The following FYB2 variants were observed in gnomAD, a reference collection of about 807,000 sequenced individuals.
The protein encoded by FYB2 is FYN-binding protein 2.
FYB2 carries 103 observed loss-of-function variants against 94.1 expected under a neutral mutation model. The ratio of observed to expected loss-of-function variants is 1.09; its 90% CI spans 0.93 to 1.29. FYB2 has a LOEUF of 1.29. FYB2 is among the 50% of genes most tolerant of loss of function. FYB2 has a pLI of 0.00. For synonymous variants in FYB2, 293 were observed against 287.9 expected, an observed-to-expected ratio of 1.02 and a Z score of -0.18; for missense variants, 896 against 841.5, an observed-to-expected ratio of 1.06 and a Z score of -0.80.
rs189096379 is a variant in FYB2, at chr1:56,804,823, A to T, written c.10-12020T>A. 2.0e-5 allele frequency among the ~76,000 whole-genome samples: 3 copies of T among 152,246 alleles called. No homozygotes were observed. The East Asian group carries it at 5.8e-4, about 29-fold the overall frequency. ...TAAAATCTTTCAATGGCTCCTTGTT[A>T]CCTTATTGGTAAATCATACATTCCT... is the stretch of plus-strand genomic sequence containing the variant. On this transcript the variant is annotated intron_variant, in intron 1 of 19. Coordinates refer to ENST00000343433, the MANE Select transcript of FYB2 (RefSeq NM_001004303.5).
intron 16 of FYB2, 42 bp downstream of exon 16, chr1:56,726,455 T>G: frequency 6.5e-7 from 1 of 1,549,290 alleles, no homozygotes; most frequent in South Asian, 1.2e-5. Flanking sequence ...AGGTATAAAT[T>G]GCAGCAGATA....
At chr1:56,812,493 T>C (rs2101088187) in intron 1 of FYB2, among the ~76,000 whole-genome samples, 1 of 152,340 alleles carries the variant, frequency 6.6e-6, no homozygotes, top group Middle Eastern at 3.4e-3. Context: ...CACCACTTTT[T>C]CCAGTATTAT....
intron 15 of FYB2, among the ~76,000 whole-genome samples, chr1:56,730,834 A>G (rs1251537302): frequency 5.3e-5 from 8 of 152,124 alleles, no homozygotes; most frequent in African/African-American, 1.9e-4. Context: ...GATACGAAAA[A>G]GAAAATTACA....
intron 15 of FYB2, among the ~76,000 whole-genome samples, chr1:56,734,279 A>T (rs1441827579): frequency 6.6e-6 from 1 of 151,802 alleles, no homozygotes; most frequent in Non-Finnish European, 1.5e-5. Flanking sequence ...ATCTTCCTCC[A>T]TCCCTTTATT....
chr1:56,820,501 C>T (rs879677881), upstream of FYB2, among the ~76,000 whole-genome samples: 1 of 152,176 alleles, frequency 6.6e-6, no homozygotes, highest in East Asian at 1.9e-4. Context: ...TATGTGTAAC[C>T]GGTGTGACTT....
chr1:56,800,570 A>G (rs753081904), intron 1 of FYB2, among the ~76,000 whole-genome samples: 1 of 152,200 alleles, frequency 6.6e-6, no homozygotes, highest in Non-Finnish European at 1.5e-5. Flanking sequence ...GTTGGGTATG[A>G]GCAAGAATAC....
At chr1:56,807,215 A>G (rs962881503) in intron 1 of FYB2, among the ~76,000 whole-genome samples, 3 of 152,200 alleles carry the variant, frequency 2.0e-5, no homozygotes, top group Non-Finnish European at 4.4e-5. Context: ...TTAAAGTGCA[A>G]TTTAATGAAA....
At position 56,719,156 on chromosome 1, in the gene FYB2, A is replaced by ACAT. The variant is rs1330750465; in HGVS notation, c.*512_*514dup. 2.0e-5 allele frequency: 3 copies of ACAT among 152,386 alleles called. No homozygotes were observed. Among genetic ancestry groups the ACAT allele is most frequent in the African/African-American group, 7.2e-5 (3 of 41,462 alleles). The allele number at this position is 152,386 out of a possible 1,614,324, so 9.4% of individuals were successfully genotyped here. A position where few individuals can be genotyped will look rare whatever the true frequency, so the allele number is the denominator to read the frequency against. ...TTTATTTTTGTGATAAAGTAAAAGG[A>ACAT]CATTTATACTTTTTTAAAGACTGAG... On this transcript the variant is annotated 3_prime_UTR_variant, in exon 20 of 20. Transcript: ENST00000343433.
chr1:56,732,303 A>G (rs996859036), intron 15 of FYB2, among the ~76,000 whole-genome samples: 7 of 152,198 alleles, frequency 4.6e-5, no homozygotes, highest in Non-Finnish European at 1.0e-4. Context: ...AAAGAAAATG[A>G]CACAACACTG....
chr1:56,796,233 G>A (rs76347391), intron 1 of FYB2, among the ~76,000 whole-genome samples: 9,806 of 152,242 alleles, frequency 0.064, 444 homozygotes, highest in East Asian at 0.2. Flanking sequence ...CAATTGATGG[G>A]AAATAGATGT....
intron 19 of FYB2, 145 bp from the exon 20 acceptor site, chr1:56,719,837 A>G: frequency 9.8e-7 from 1 of 1,020,752 alleles, no homozygotes; most frequent in Non-Finnish European, 1.4e-6. Context: ...GAAGTTTGAT[A>G]GCATACTCAG....
chr1:56,825,645 T>C, the FYB2 span, among the ~76,000 whole-genome samples: 1 of 151,810 alleles, frequency 6.6e-6, no homozygotes, highest in South Asian at 2.1e-4. Flanking sequence ...ATGAAAAAAA[T>C]AGGGAATACA....
In FYB2 at chr1:56,785,873, C is replaced by CT. The variant is rs1646123006; in HGVS notation, c.953+1301dup. Among the ~76,000 whole-genome samples the CT allele has an allele frequency of 2.0e-5, 3 of 152,176 alleles. No individual in the cohort carries two copies. The South Asian group carries it at 6.2e-4, about 32-fold the overall frequency. On this transcript the variant is annotated intron_variant, in intron 4 of 19. Transcript: ENST00000343433. ...TTCTTCACTCCTTCCTGCATCCCTG[C>CT]TTTTTGCCATGAAACTTTCAGCACC...
In FYB2 at chr1:56,758,871, G is replaced by A. The variant is rs980984618; in HGVS notation, c.1064-121C>T. On this transcript the variant is annotated intron_variant, in intron 5 of 19. Transcript: ENST00000343433. ...AGTTTTCTCACCTTTAAGAACATCA[G>A]ACTATGTAAAGCTCTATCTAGAAAG... is the stretch of plus-strand genomic sequence containing the variant. 6.0e-6 allele frequency: 4 copies of A among 663,722 alleles called. No homozygotes were observed. In the African/African-American group the frequency reaches 7.4e-5, roughly 12 times the overall value. 41.1% of individuals were successfully genotyped at this position (663,722 alleles called of 1,614,324 possible).
chr1:56,761,033 T>C (rs1645480473), intron 5 of FYB2, among the ~76,000 whole-genome samples: 1 of 152,142 alleles, frequency 6.6e-6, no homozygotes, highest in Non-Finnish European at 1.5e-5. Context: ...TGATTAGTTT[T>C]ATTGTGCAGG....
chr1:56,785,793 G>A (rs1028067370), intron 4 of FYB2, among the ~76,000 whole-genome samples: 8 of 152,150 alleles, frequency 5.3e-5, no homozygotes, highest in African/African-American at 9.7e-5. Context: ...TGCATCTTCA[G>A]TACTCATTTC....
intron 4 of FYB2, among the ~76,000 whole-genome samples, chr1:56,771,343 CG>C (rs1645749829): frequency 6.6e-6 from 1 of 151,658 alleles, no homozygotes; most frequent in South Asian, 2.1e-4. Context: ...AACACAGCTT[CG>C]TAAAAAAAAG....
intron 1 of FYB2, among the ~76,000 whole-genome samples, chr1:56,796,369 A>T (rs1047214142): frequency 6.6e-6 from 1 of 151,956 alleles, no homozygotes; most frequent in African/African-American, 2.4e-5. Flanking sequence ...ACCATGCCCC[A>T]TTTTTCAGCT....
chr1:56,785,661 A>G (rs1055191716), intron 4 of FYB2, among the ~76,000 whole-genome samples: 5 of 152,158 alleles, frequency 3.3e-5, no homozygotes, highest in Non-Finnish European at 7.4e-5. Flanking sequence ...TCCCGTTTCT[A>G]TACCATTTCT....
Sources: allele counts gnomAD v4.1 joint callset (sites outside exome capture counted in the v4.1 genomes callset), GRCh38; gene constraint gnomAD v4.1.1; transcripts MANE v1.5; gene names NCBI Gene and HGNC (gene_info 2026-07-23, HGNC 2026-07-21).